COL5A2: variants seen among roughly 807,000 people sequenced by gnomAD.
The protein encoded by COL5A2 is collagen type V alpha 2 chain.
Under a neutral mutation model 208.2 loss-of-function variants are expected in COL5A2, and 23 were observed. The observed-to-expected ratio is 0.11, with a 90% CI of 0.08 to 0.16. The LOEUF (loss-of-function observed/expected upper bound fraction) is 0.16, where lower values mean the gene tolerates loss of function less well. COL5A2 is among the 10% of genes least tolerant of loss of function. COL5A2 has a pLI of 1.00. For synonymous variants in COL5A2, 625 were observed against 628.5 expected, an observed-to-expected ratio of 0.99 and a Z score of 0.08; for missense variants, 1,590 against 1,956.4, an observed-to-expected ratio of 0.81 and a Z score of 3.53.
the COL5A2 span, among the ~76,000 whole-genome samples, chr2:189,418,129 A>G: frequency 6.6e-6 from 1 of 152,168 alleles, no homozygotes; most frequent in African/African-American, 2.4e-5. Context: ...CCAATAATGA[A>G]CAGCGAAAAC....
upstream of COL5A2, among the ~76,000 whole-genome samples, chr2:189,228,978 T>C (rs548976309): frequency 3.8e-4 from 57 of 151,990 alleles, 1 homozygote; most frequent in Admixed American, 3.7e-3. Context: ...GCGAGATTTA[T>C]CCCTGGGATG....
chr2:189,323,427 G>A, the COL5A2 span, among the ~76,000 whole-genome samples: 22,483 of 151,928 alleles, frequency 0.15, 1,981 homozygotes, highest in South Asian at 0.21. Context: ...AAACCCCATC[G>A]TCTCAGCCCA....
At chr2:189,040,582 C>T (rs1271211559) in intron 50 of COL5A2, among the ~76,000 whole-genome samples, 3 of 152,170 alleles carry the variant, frequency 2.0e-5, no homozygotes, top group Non-Finnish European at 4.4e-5. Context: ...GGCTCTGCCA[C>T]TTGTTATATG....
the COL5A2 span, among the ~76,000 whole-genome samples, chr2:189,437,685 G>C: frequency 6.6e-6 from 1 of 152,100 alleles, no homozygotes; most frequent in South Asian, 2.1e-4. Context: ...AAAATATATG[G>C]GATAGATAAG....
chr2:189,286,971 G>A, the COL5A2 span, among the ~76,000 whole-genome samples: 1 of 152,158 alleles, frequency 6.6e-6, no homozygotes, highest in Admixed American at 6.5e-5. Flanking sequence ...CTACTTTGTG[G>A]ATGTTAATTT....
chr2:189,355,196 C>T, the COL5A2 span, among the ~76,000 whole-genome samples: 1 of 152,122 alleles, frequency 6.6e-6, no homozygotes, highest in African/African-American at 2.4e-5. Flanking sequence ...TGTTTTACTT[C>T]CAATCACGTG....
chr2:189,134,167 A>G (rs1320105259), intron 1 of COL5A2, among the ~76,000 whole-genome samples: 1 of 152,180 alleles, frequency 6.6e-6, no homozygotes, highest in Non-Finnish European at 1.5e-5. Context: ...GTCATGCAGA[A>G]CCTTATGCAT....
chr2:189,053,336 C>A, intron 38 of COL5A2, 88 bp downstream of exon 38: 2 of 1,223,566 alleles, frequency 1.6e-6, no homozygotes, highest in South Asian at 2.5e-5. Flanking sequence ...TTCCAGAATA[C>A]GACTTCAAAA....
Position 189,045,859 on chromosome 2 carries a change from C to T in COL5A2, c.3250G>A (p.Ala1084Thr), listed in dbSNP as rs1432653441. 2.3e-5 allele frequency: 37 copies of T among 1,614,062 alleles called. No homozygotes were observed. Among genetic ancestry groups the T allele is most frequent in the Non-Finnish European group, 2.9e-5 (34 of 1,180,020 alleles). Reference sequence around the variant, plus strand: ...CCCACAGGGCCAGGAGTTCCAGGGGCACCCTGAGAGCCTGGCAGACCTGCA... The same window carrying T: ...CCCACAGGGCCAGGAGTTCCAGGGGTACCCTGAGAGCCTGGCAGACCTGCA... ...GPAGLPGSQG[A>T]PGTPGPVGAP... Residue 1084 changes from alanine (A) to threonine (T), a missense_variant, in exon 46 of 54, where the codon GCC (alanine) becomes ACC (threonine). Physicochemically the swap from Ala to Thr is moderately conservative, Grantham distance 58. Transcript: ENST00000374866.
At chr2:189,202,507 T>C (rs1689091475) in intron 1 of COL5A2, among the ~76,000 whole-genome samples, 1 of 152,166 alleles carries the variant, frequency 6.6e-6, no homozygotes, top group Non-Finnish European at 1.5e-5. Context: ...TGGTCAGATG[T>C]GGCAGAGTGT....
the COL5A2 span, among the ~76,000 whole-genome samples, chr2:189,358,286 T>A: frequency 2.1e-4 from 32 of 152,194 alleles, no homozygotes; most frequent in Non-Finnish European, 8.8e-5. Flanking sequence ...ATGCTCCTAG[T>A]CAACTGAGAA....
At chr2:189,422,538 A>G in the COL5A2 span, among the ~76,000 whole-genome samples, 8 of 152,328 alleles carry the variant, frequency 5.3e-5, no homozygotes, top group East Asian at 9.6e-4. Flanking sequence ...TTAAACTACT[A>G]TTTAGGTCAA....
the COL5A2 span, among the ~76,000 whole-genome samples, chr2:189,283,475 C>T: frequency 6.6e-6 from 1 of 151,922 alleles, no homozygotes; most frequent in East Asian, 1.9e-4. Flanking sequence ...TTGAACAATT[C>T]TACAGGACAT....
chr2:189,126,124 G>A (rs1222775853), intron 1 of COL5A2, among the ~76,000 whole-genome samples: 1 of 151,934 alleles, frequency 6.6e-6, no homozygotes, highest in East Asian at 1.9e-4. Context: ...CAGGAACTAT[G>A]TTATACTTAA....
chr2:189,273,646 T>C, the COL5A2 span, among the ~76,000 whole-genome samples: 1 of 152,098 alleles, frequency 6.6e-6, no homozygotes, highest in Non-Finnish European at 1.5e-5. Flanking sequence ...ATATGGTATA[T>C]ATACACAATG....
At chr2:189,375,212 T>C in the COL5A2 span, among the ~76,000 whole-genome samples, 292 of 152,004 alleles carry the variant, frequency 1.9e-3, 1 homozygote, top group Non-Finnish European at 1.4e-3. Context: ...AGAGATGGGG[T>C]TTCACCATGT....
At chr2:189,245,438 T>G in the COL5A2 span, among the ~76,000 whole-genome samples, 1 of 152,052 alleles carries the variant, frequency 6.6e-6, no homozygotes, top group South Asian at 2.1e-4. Context: ...ATGGTATGCC[T>G]ACTATATCTG....
intron 1 of COL5A2, among the ~76,000 whole-genome samples, chr2:189,168,254 T>TA (rs1395489595): frequency 1.3e-5 from 2 of 151,062 alleles, no homozygotes; most frequent in East Asian, 1.9e-4. Flanking sequence ...TTTTTTTTTT[T>TA]AATTCTTACA....
chr2:189,075,415 A>G lies in COL5A2; in HGVS notation c.1082T>C (p.Met361Thr). 6.2e-7 allele frequency: 1 copy of G among 1,607,174 alleles called. No individual in the cohort carries two copies. Among genetic ancestry groups the G allele is most frequent in the Non-Finnish European group, 8.5e-7 (1 of 1,174,104 alleles). Residue 361 changes from methionine (M) to threonine (T), a missense_variant, in exon 17 of 54, where the codon ATG becomes ACG. Coordinates refer to ENST00000374866, the MANE Select transcript of COL5A2 (RefSeq NM_000393.5). ...CACCATTGGTCCAGGTTTTCCAGGC[A>G]TACCATGTGCACCTCGTTGTCCCTA... ...GAPGQRGAHG[M>T]PGKPGPMGPL...
Sources: gnomAD v4.1 joint callset for allele counts (sites outside exome capture counted in the v4.1 genomes callset) on GRCh38, gnomAD v4.1.1 for gene constraint, MANE v1.5 for transcripts, NCBI Gene and HGNC (gene_info 2026-07-23, HGNC 2026-07-21) for gene names.